The following MAGI2 variants were observed in gnomAD, a reference collection of about 807,000 sequenced individuals.
MAGI2 encodes membrane-associated guanylate kinase, WW and PDZ domain-containing protein 2.
A neutral mutation model predicts 133.3 loss-of-function variants in MAGI2; 35 were observed. That is an observed-to-expected ratio of 0.26 (90% CI 0.20 to 0.35). The LOEUF is 0.35. Ranked by LOEUF, MAGI2 falls within the 10% of genes least tolerant of loss-of-function variation. MAGI2 has a pLI of 1.00. For missense variants in MAGI2, 1,636 were observed against 1,863.4 expected (o/e 0.88, Z 2.25); for synonymous variants, 729 against 710.6 (o/e 1.03, Z -0.41).
chr7:78,714,530 G>A (rs1819519175), intron 2 of MAGI2, among the ~76,000 whole-genome samples: 1 of 152,114 alleles, frequency 6.6e-6, no homozygotes, highest in Non-Finnish European at 1.5e-5. Flanking sequence ...CAACAACGAG[G>A]CATTGGAAAT....
chr7:78,252,373 A>G (rs1563329310), intron 10 of MAGI2: 1 of 151,946 alleles, frequency 6.6e-6, no homozygotes, highest in Non-Finnish European at 1.5e-5. Context: ...CTCCACATTT[A>G]TGCTAATTCA....
At chr7:78,445,606 G>C (rs1007039052) in intron 6 of MAGI2, among the ~76,000 whole-genome samples, 2 of 151,346 alleles carry the variant, frequency 1.3e-5, no homozygotes, top group Non-Finnish European at 3.0e-5. Flanking sequence ...TACCACAAAA[G>C]TTTAGGTTCA....
At chr7:79,177,271 A>G (rs1292270645) in intron 1 of MAGI2, 1 of 150,872 alleles carries the variant, frequency 6.6e-6, no homozygotes, top group East Asian at 1.9e-4. Flanking sequence ...ACTATTTAAA[A>G]TTAAAACTTC....
At chr7:78,784,571 C>T (rs887732002) in intron 2 of MAGI2, among the ~76,000 whole-genome samples, 26 of 152,122 alleles carry the variant, frequency 1.7e-4, no homozygotes, top group African/African-American at 5.3e-4. Context: ...ACCCTGATTC[C>T]GAAGGGTGCT....
chr7:78,575,278 T>A (rs994691190), intron 3 of MAGI2, among the ~76,000 whole-genome samples: 5 of 152,124 alleles, frequency 3.3e-5, no homozygotes, highest in African/African-American at 7.3e-5. Context: ...AGCCAAAGTA[T>A]AAAATATTAG....
intron 5 of MAGI2, among the ~76,000 whole-genome samples, chr7:78,494,706 ATTCAAT>A (rs1793930517): frequency 6.6e-6 from 1 of 152,182 alleles, no homozygotes; most frequent in African/African-American, 2.4e-5. Context: ...TATTGGAAAA[ATTCAAT>A]TTCATCAACT....
intron 1 of MAGI2, among the ~76,000 whole-genome samples, chr7:79,404,159 C>A (rs572852179): frequency 6.6e-6 from 1 of 152,066 alleles, no homozygotes; most frequent in Non-Finnish European, 1.5e-5. Flanking sequence ...AGCAACCATG[C>A]GTTTCACTCC....
intron 1 of MAGI2, among the ~76,000 whole-genome samples, chr7:79,252,486 T>C (rs1174377122): frequency 6.6e-6 from 1 of 152,134 alleles, no homozygotes; most frequent in African/African-American, 2.4e-5. Flanking sequence ...AGGGGAATGG[T>C]TAATGGGTAC....
chr7:79,050,319 G>A (rs1239797840), intron 1 of MAGI2, among the ~76,000 whole-genome samples: 1 of 152,094 alleles, frequency 6.6e-6, no homozygotes, highest in Non-Finnish European at 1.5e-5. Flanking sequence ...GACTGTGGGA[G>A]GGAGACATGA....
At chr7:79,029,714 T>C (rs1810376318) in intron 1 of MAGI2, among the ~76,000 whole-genome samples, 1 of 152,218 alleles carries the variant, frequency 6.6e-6, no homozygotes, top group Non-Finnish European at 1.5e-5. Flanking sequence ...AAATATTACC[T>C]GTTTCAAAGT....
chr7:78,083,367 C>G (rs370375045), intron 20 of MAGI2, among the ~76,000 whole-genome samples: 41 of 53,660 alleles, frequency 7.6e-4, no homozygotes, highest in African/African-American at 1.2e-3. Context: ...GGTGGGGGGG[C>G]GGGGGAGGGA....
intron 3 of MAGI2, among the ~76,000 whole-genome samples, chr7:78,599,668 C>T (rs1804977370): frequency 6.6e-6 from 1 of 152,158 alleles, no homozygotes; most frequent in South Asian, 2.1e-4. Context: ...CATTTGGAAC[C>T]TCTGGCTTTG....
chr7:79,290,712 G>A (rs1306248718), intron 1 of MAGI2, among the ~76,000 whole-genome samples: 1 of 151,912 alleles, frequency 6.6e-6, no homozygotes, highest in African/African-American at 2.4e-5. Flanking sequence ...GATGCTGCAA[G>A]CATATAGATG....
At chr7:79,427,830 G>A (rs565683812) in intron 1 of MAGI2, among the ~76,000 whole-genome samples, 3 of 152,076 alleles carry the variant, frequency 2.0e-5, no homozygotes, top group East Asian at 3.9e-4. Context: ...TGGATGGATT[G>A]GGCAAGGGAA....
At chr7:78,561,785 G>A (rs925379990) in intron 3 of MAGI2, among the ~76,000 whole-genome samples, 3 of 152,154 alleles carry the variant, frequency 2.0e-5, no homozygotes, top group African/African-American at 4.8e-5. Flanking sequence ...ATGTATCTGG[G>A]GGATGGCAGG....
At chr7:78,588,248 C>T (rs1262589489) in intron 3 of MAGI2, among the ~76,000 whole-genome samples, 2 of 152,122 alleles carry the variant, frequency 1.3e-5, no homozygotes, top group East Asian at 1.9e-4. Context: ...TCTCAATTAT[C>T]GTATTTCTTC....
chr7:79,319,822 G>T (rs931281723), intron 1 of MAGI2, among the ~76,000 whole-genome samples: 3 of 152,010 alleles, frequency 2.0e-5, no homozygotes. Flanking sequence ...GAAACCTAGC[G>T]GTGCCAGATT....
At chr7:79,123,816 G>C (rs761633032) in intron 1 of MAGI2, among the ~76,000 whole-genome samples, 3 of 135,846 alleles carry the variant, frequency 2.2e-5, no homozygotes, top group South Asian at 2.4e-4. Flanking sequence ...AAGAGATAAC[G>C]CACATCAAGT....
chr7:78,338,896 C>T (rs1294403593), intron 9 of MAGI2, among the ~76,000 whole-genome samples: 1 of 152,074 alleles, frequency 6.6e-6, no homozygotes. Context: ...GTCCTAGCTA[C>T]TTGGAAGGCT....
Sources: gnomAD v4.1 joint callset for allele counts (sites outside exome capture counted in the v4.1 genomes callset) on GRCh38, gnomAD v4.1.1 for gene constraint, MANE v1.5 for transcripts, NCBI Gene and HGNC (gene_info 2026-07-23, HGNC 2026-07-21) for gene names.